SMYD3: variants seen among roughly 807,000 people sequenced by gnomAD.
SMYD3 encodes SET and MYND domain containing 3.
A neutral mutation model predicts 57.7 loss-of-function variants in SMYD3; 36 were observed. That is an observed-to-expected ratio of 0.62 (90% CI 0.48 to 0.82). SMYD3 has a LOEUF of 0.82. SMYD3 is among the 40% of genes least tolerant of loss of function. The probability of loss-of-function intolerance (pLI) is 0.00; values close to 1 mark genes in which losing one functional copy is unlikely to be tolerated. For missense variants in SMYD3, 515 were observed against 538.8 expected (o/e 0.96, Z 0.44); for synonymous variants, 211 against 195.0 (o/e 1.08, Z -0.68).
chr1:245,800,449 T>G (rs1220729106), intron 10 of SMYD3, among the ~76,000 whole-genome samples: 6 of 152,104 alleles, frequency 3.9e-5, no homozygotes, highest in Non-Finnish European at 5.9e-5. Flanking sequence ...AATAATGCTA[T>G]ATCTAATAGT....
At chr1:246,148,312 C>T (rs2061889273) in intron 5 of SMYD3, among the ~76,000 whole-genome samples, 1 of 152,050 alleles carries the variant, frequency 6.6e-6, no homozygotes, top group Admixed American at 6.5e-5. Context: ...CAGAGACCTG[C>T]AGAGATGTCT....
chr1:245,853,252 T>C (rs769994850), intron 10 of SMYD3, among the ~76,000 whole-genome samples: 26 of 152,118 alleles, frequency 1.7e-4, no homozygotes, highest in Non-Finnish European at 3.4e-4. Context: ...TTAGGAAAAG[T>C]TCTAAACTAG....
At chr1:246,094,982 C>G (rs2147905668) in intron 5 of SMYD3, among the ~76,000 whole-genome samples, 1 of 152,210 alleles carries the variant, frequency 6.6e-6, no homozygotes, top group African/African-American at 2.4e-5. Context: ...TCTATTAGAC[C>G]CTCTGCCCCT....
intron 8 of SMYD3, among the ~76,000 whole-genome samples, chr1:245,909,975 A>T (rs924077827): frequency 5.3e-5 from 8 of 152,168 alleles, no homozygotes; most frequent in Non-Finnish European, 1.5e-5. Context: ...GCAATTAGAC[A>T]GGAGAAAAAA....
intron 1 of SMYD3, among the ~76,000 whole-genome samples, chr1:246,502,536 G>T (rs545229780): frequency 6.6e-6 from 1 of 152,150 alleles, no homozygotes; most frequent in Admixed American, 6.5e-5. Context: ...TAAATATCCA[G>T]GAAATTTAAA....
chr1:246,135,719 G>C (rs539114584), intron 5 of SMYD3, among the ~76,000 whole-genome samples: 4 of 152,098 alleles, frequency 2.6e-5, no homozygotes, highest in African/African-American at 7.2e-5. Flanking sequence ...TATATGAACA[G>C]AGTAGAAATA....
chr1:245,990,155 G>A (rs1367984263), intron 5 of SMYD3, among the ~76,000 whole-genome samples: 1 of 152,092 alleles, frequency 6.6e-6, no homozygotes, highest in African/African-American at 2.4e-5. Context: ...CTGCAACCTT[G>A]ACTTCCTGGG....
intron 1 of SMYD3, among the ~76,000 whole-genome samples, chr1:246,439,949 CA>C (rs970086916): frequency 1.3e-5 from 2 of 151,312 alleles, no homozygotes; most frequent in East Asian, 1.9e-4. Flanking sequence ...GACCTTGTCT[CA>C]AAAAAAAGTG....
chr1:246,492,440 T>C (rs537378931), intron 1 of SMYD3, among the ~76,000 whole-genome samples: 22 of 152,108 alleles, frequency 1.4e-4, no homozygotes, highest in Admixed American at 1.4e-3. Flanking sequence ...AAACGATGGA[T>C]AGGGTAGAAA....
At chr1:246,179,531 G>A (rs766637824) in intron 5 of SMYD3, among the ~76,000 whole-genome samples, 2 of 152,228 alleles carry the variant, frequency 1.3e-5, no homozygotes, top group East Asian at 3.9e-4. Context: ...CATCATCCAG[G>A]AATGTTTCTT....
intron 5 of SMYD3, among the ~76,000 whole-genome samples, chr1:246,264,878 CTT>C (rs1309418750): frequency 6.6e-6 from 1 of 152,160 alleles, no homozygotes; most frequent in African/African-American, 2.4e-5. Context: ...TTTACATGGA[CTT>C]TGTTACTTAA....
intron 5 of SMYD3, among the ~76,000 whole-genome samples, chr1:246,249,701 ATG>A (rs1459837886): frequency 3.3e-5 from 5 of 152,168 alleles, no homozygotes; most frequent in Admixed American, 2.0e-4. Context: ...CCCTTAAAAA[ATG>A]TGTGTTTGTA....
At chr1:246,441,222 C>T (rs796182123) in intron 1 of SMYD3, among the ~76,000 whole-genome samples, 2 of 152,254 alleles carry the variant, frequency 1.3e-5, no homozygotes, top group African/African-American at 4.8e-5. Flanking sequence ...TCACGCTGAG[C>T]CAGTTCTTTC....
chr1:246,452,461 G>A (rs551249975), intron 1 of SMYD3, among the ~76,000 whole-genome samples: 8 of 152,084 alleles, frequency 5.3e-5, no homozygotes, highest in East Asian at 3.9e-4. Context: ...GACAGAGTTC[G>A]CACCTCCAGC....
intron 8 of SMYD3, among the ~76,000 whole-genome samples, chr1:245,914,772 AAT>A (rs1383340960): frequency 2.0e-5 from 3 of 152,210 alleles, no homozygotes; most frequent in Admixed American, 6.5e-5. Context: ...AGAAATGATA[AAT>A]ATATGAGGTG....
intron 5 of SMYD3, among the ~76,000 whole-genome samples, chr1:246,307,092 C>T (rs553363820): frequency 2.0e-5 from 3 of 152,288 alleles, no homozygotes; most frequent in Non-Finnish European, 4.4e-5. Context: ...TCAGCTTCTA[C>T]TCTGGAGTAT....
intron 5 of SMYD3, among the ~76,000 whole-genome samples, chr1:246,091,152 T>G (rs549976322): frequency 6.6e-6 from 1 of 152,300 alleles, no homozygotes; most frequent in African/African-American, 2.4e-5. Flanking sequence ...GGGGAAAACA[T>G]GGAGAATCTC....
At position 245,921,278 on chromosome 1, in the gene SMYD3, A is replaced by C. The variant is rs536847450; in HGVS notation, c.703-5638T>G. 9.3e-4 allele frequency among the ~76,000 whole-genome samples: 141 copies of C among 152,274 alleles called. 1 individual carries two copies. The highest frequency in any genetic ancestry group is 3.3e-3 in the African/African-American group (138 of 41,562). On this transcript the variant is annotated intron_variant, in intron 7 of 11. Transcript: ENST00000490107. ...GCTATTACTAAAAAGTCCAAAAATA[A>C]CAAATGTTGGTGAAGCTGTGGAGAA...
intron 6 of SMYD3, among the ~76,000 whole-genome samples, chr1:245,929,520 C>T (rs183856403): frequency 3.6e-4 from 55 of 152,224 alleles, no homozygotes; most frequent in Non-Finnish European, 6.5e-4. Flanking sequence ...ACGGCAAGTC[C>T]GGTGAAATCA....
Sources: allele counts gnomAD v4.1 joint callset (sites outside exome capture counted in the v4.1 genomes callset), GRCh38; gene constraint gnomAD v4.1.1; transcripts MANE v1.5; gene names NCBI Gene and HGNC (gene_info 2026-07-23, HGNC 2026-07-21).